Variants in USP35 observed in about 807,000 individuals in gnomAD.
USP35 encodes the protein ubiquitin carboxyl-terminal hydrolase 35.
In USP35, 69 loss-of-function variants were observed where a neutral mutation model predicts 83.8. The ratio of observed to expected loss-of-function variants is 0.82; its 90% CI spans 0.68 to 1.01. The LOEUF (loss-of-function observed/expected upper bound fraction) is 1.01. USP35 is among the 50% of genes least tolerant of loss of function. The pLI, the probability that USP35 is intolerant of heterozygous loss-of-function variation, is 0.00. For synonymous variants in USP35, 714 were observed against 589.5 expected, an observed-to-expected ratio of 1.21 and a Z score of -3.06; for missense variants, 1,503 against 1,362.5, an observed-to-expected ratio of 1.10 and a Z score of -1.62.
intron 3 of USP35, chr11:78,198,588 TG>T (rs1163014509): frequency 5.1e-6 from 5 of 984,876 alleles, no homozygotes; most frequent in Non-Finnish European, 6.0e-6. Flanking sequence ...TGCAGGCCTT[TG>T]CCTATGCAGA....
the USP35 span, among the ~76,000 whole-genome samples, chr11:78,224,051 C>T: frequency 6.6e-6 from 1 of 152,048 alleles, no homozygotes; most frequent in African/African-American, 2.4e-5. Flanking sequence ...CACTGCACTC[C>T]AGCCTGGGTG....
the USP35 span, among the ~76,000 whole-genome samples, chr11:78,230,257 C>T: frequency 2.2e-4 from 34 of 152,244 alleles, no homozygotes; most frequent in Non-Finnish European, 4.4e-4. Flanking sequence ...CACTAGCTTA[C>T]GTTCCAACTT....
Position 78,213,942 on chromosome 11 carries a change from A to G in USP35, c.*129A>G. The G allele has an allele frequency of 1.9e-6, 2 of 1,027,182 alleles. No homozygotes were observed. The highest frequency in any genetic ancestry group is 2.7e-6 in the Non-Finnish European group (2 of 743,346). The allele number at this position is 1,027,182 out of a possible 1,614,324, so 63.6% of individuals were successfully genotyped here. On this transcript the variant is annotated 3_prime_UTR_variant, in exon 11 of 11. Transcript: ENST00000529308. Reference sequence around the variant, plus strand: ...TGGCACCTTAGTCCTCAGCCTGATGAAGGGTACACAGAGATTCTCTCAGAT... The same window carrying G: ...TGGCACCTTAGTCCTCAGCCTGATGGAGGGTACACAGAGATTCTCTCAGAT...
At chr11:78,211,718 C>G (rs546546653) in intron 10 of USP35, among the ~76,000 whole-genome samples, 1 of 152,190 alleles carries the variant, frequency 6.6e-6, no homozygotes, top group Non-Finnish European at 1.5e-5. Flanking sequence ...ATTTTTCTTT[C>G]GTACGTTTGT....
intron 8 of USP35, among the ~76,000 whole-genome samples, chr11:78,207,842 A>T (rs537465357): frequency 6.6e-6 from 1 of 152,204 alleles, no homozygotes; most frequent in South Asian, 2.1e-4. Context: ...GTGCTGCCCA[A>T]TCTTTCCCTT....
At chr11:78,234,243 T>A in the USP35 span, among the ~76,000 whole-genome samples, 3 of 152,174 alleles carry the variant, frequency 2.0e-5, no homozygotes, top group African/African-American at 7.2e-5. Context: ...TGACCGTGCC[T>A]GGCTACTTTT....
chr11:78,195,385 G>GCA (rs1286280550), intron 1 of USP35, among the ~76,000 whole-genome samples: 1 of 152,186 alleles, frequency 6.6e-6, no homozygotes, highest in African/African-American at 2.4e-5. Flanking sequence ...AGAAGGCACA[G>GCA]CACACACACG....
chr11:78,202,468 GT>G (rs1863385364), intron 6 of USP35, among the ~76,000 whole-genome samples: 1 of 152,128 alleles, frequency 6.6e-6, no homozygotes, highest in South Asian at 2.1e-4. Flanking sequence ...ATTAAAAATA[GT>G]CATAAACTTG....
chr11:78,196,954 G>T lies in USP35; in HGVS notation c.673+36G>T. The T allele has an allele frequency of 7.0e-7, 1 of 1,431,740 alleles. No homozygotes were observed. The highest frequency in any genetic ancestry group is 9.1e-7 in the Non-Finnish European group (1 of 1,097,382). 88.7% of individuals were successfully genotyped at this position (1,431,740 alleles called of 1,614,324 possible). On this transcript the variant is annotated intron_variant, in intron 2 of 10. Transcript: ENST00000529308. The surrounding 1 kb of genome is among the most constrained non-coding windows in gnomAD (Gnocchi z 4.8). ...GGCCGGGGCAGGAGCGCGGGCATGC[G>T]GAGGTCCTGGGTGGGCGCTTGGGTA...
the USP35 span, chr11:78,223,723 G>T: frequency 1.4e-6 from 2 of 1,480,798 alleles, no homozygotes; most frequent in African/African-American, 1.4e-5. Flanking sequence ...CTAGCAAGAA[G>T]AAACAGGAAG....
At chr11:78,199,496 A>G (rs1863268800) in intron 3 of USP35, 99 bp from the exon 4 acceptor site, 4 of 1,553,418 alleles carry the variant, frequency 2.6e-6, no homozygotes, top group South Asian at 1.2e-5. Context: ...GTGTGAGTCA[A>G]TGTGGGAACC....
At chr11:78,222,264 T>TAA in the USP35 span, 2 of 966,512 alleles carry the variant, frequency 2.1e-6, no homozygotes, top group Non-Finnish European at 3.4e-6. Flanking sequence ...ACCTTATATA[T>TAA]AACACATGAG....
At chr11:78,192,720 A>G (rs1863040930) in intron 1 of USP35, among the ~76,000 whole-genome samples, 1 of 152,224 alleles carries the variant, frequency 6.6e-6, no homozygotes, top group Non-Finnish European at 1.5e-5. Context: ...TGTTAGGTAG[A>G]ACAACATGAA....
At chr11:78,209,115 G>A in intron 9 of USP35, 152 bp downstream of exon 9, 1 of 836,490 alleles carries the variant, frequency 1.2e-6, no homozygotes, top group Admixed American at 2.9e-5. Context: ...GGAAGGGCAG[G>A]GACTGAGTGT....
In USP35 at chr11:78,197,947, C is replaced by T. The variant is rs1863205969; in HGVS notation, c.685C>T (p.Pro229Ser). The T allele has an allele frequency of 2.5e-6, 4 of 1,614,012 alleles. No individual in the cohort carries two copies. In the African/African-American group the frequency reaches 4.0e-5, roughly 16 times the overall value. Residue 229 changes from proline to serine, a missense_variant, in exon 3 of 11, where the codon CCA becomes TCA. By Grantham distance (74) the Pro-to-Ser change is moderately conservative. Coordinates refer to ENST00000529308, the MANE Select transcript of USP35 (RefSeq NM_020798.4). Reference sequence around the variant, plus strand: ...GTCCCCTGTTCCAGAGGAGGAGCCACCATCTAGCGCCCTGGCCAGCGTGGT... The same window carrying T: ...GTCCCCTGTTCCAGAGGAGGAGCCATCATCTAGCGCCCTGGCCAGCGTGGT... ...AVISCAEEEPPSSALASVVQH... is the reference protein window; with the variant it reads ...AVISCAEEEPSSSALASVVQH...
rs1201254221 is a variant in USP35, at chr11:78,189,177, G to C, written c.-11+20G>C. On this transcript the variant is annotated intron_variant, in intron 1 of 10. Transcript: ENST00000529308. Reference sequence around the variant, plus strand: ...CGGGAGGTAAGGGGGTTGGGGGCGTGTGACTGTCTTTGGGGGGCGGTGTCT... The same window carrying C: ...CGGGAGGTAAGGGGGTTGGGGGCGTCTGACTGTCTTTGGGGGGCGGTGTCT... 6.2e-6 allele frequency: 1 copy of C among 160,794 alleles called. No individual in the cohort carries two copies. The allele number at this position is 160,794 out of a possible 1,614,324, so 10.0% of individuals were successfully genotyped here. A position where few individuals can be genotyped will look rare whatever the true frequency, so the allele number is the denominator to read the frequency against.
chr11:78,210,776 C>A, intron 10 of USP35, 32 bp downstream of exon 10: 1 of 1,504,084 alleles, frequency 6.6e-7, no homozygotes, highest in Non-Finnish European at 8.8e-7. Flanking sequence ...TTGATCTGAT[C>A]TCTTGGTGGA....
rs2137027164 is a variant in USP35 at position 78,196,124 on chromosome 11, A to C, written c.-10-112A>C. ...CCCCATTTCACAGATGAGAAAACTG[A>C]GGCCCAGAAAGTTTGAGTTGCTTGC... On this transcript the variant is annotated intron_variant, in intron 1 of 10. Transcript: ENST00000529308. The surrounding 1 kb of genome is among the most constrained non-coding windows in gnomAD (Gnocchi z 4.8). The C allele has an allele frequency of 7.0e-7, 1 of 1,424,588 alleles. No homozygotes were observed. The highest frequency in any genetic ancestry group is 9.1e-7 in the Non-Finnish European group (1 of 1,094,694). The allele number at this position is 1,424,588 out of a possible 1,614,324, so 88.2% of individuals were successfully genotyped here.
chr11:78,224,430 C>T, the USP35 span, among the ~76,000 whole-genome samples: 1 of 152,122 alleles, frequency 6.6e-6, no homozygotes, highest in Non-Finnish European at 1.5e-5. Context: ...TTCCCCAGTC[C>T]AGGTTTCTAA....
Sources: allele counts gnomAD v4.1 joint callset (sites outside exome capture counted in the v4.1 genomes callset), GRCh38; gene constraint gnomAD v4.1.1; non-coding constraint Gnocchi (gnomAD v3.1); transcripts MANE v1.5; gene names NCBI Gene and HGNC (gene_info 2026-07-23, HGNC 2026-07-21).